FGD3: variants seen among roughly 807,000 people sequenced by gnomAD.
The protein encoded by FGD3 is FYVE, RhoGEF and PH domain-containing protein 3.
A neutral mutation model predicts 71.8 loss-of-function variants in FGD3; 45 were observed. The ratio of observed to expected loss-of-function variants is 0.63; its 90% CI spans 0.49 to 0.80. FGD3 has a LOEUF of 0.80. Ranked by LOEUF, FGD3 falls within the 30% of genes least tolerant of loss-of-function variation. FGD3 has a pLI of 0.00. For synonymous variants in FGD3, 378 were observed against 392.8 expected, an observed-to-expected ratio of 0.96 and a Z score of 0.44; for missense variants, 844 against 951.5, an observed-to-expected ratio of 0.89 and a Z score of 1.49.
chr9:93,033,011 T>TG, intron 16 of FGD3, 138 bp downstream of exon 16: 1 of 864,180 alleles, frequency 1.2e-6, no homozygotes, highest in Non-Finnish European at 1.9e-6. Context: ...TGTGTCTCAG[T>TG]GGGGCCCCCA....
rs181342731 is a variant in FGD3 at position 92,953,486 on chromosome 9, A to T, written c.-218+5757A>T. On this transcript the variant is annotated intron_variant, in intron 1 of 17. Transcript: ENST00000375482. ...ACATATTTTTAAAGCAACTTTTAAG[A>T]AATGAGGTATAGTGAGTGATGACTA... Among the ~76,000 whole-genome samples the T allele has an allele frequency of 5.3e-5, 8 of 152,328 alleles. No homozygotes were observed. The East Asian group carries it at 1.5e-3, about 29-fold the overall frequency.
intron 1 of FGD3, among the ~76,000 whole-genome samples, chr9:92,952,394 G>A (rs996997262): frequency 6.6e-5 from 10 of 151,854 alleles, no homozygotes; most frequent in African/African-American, 1.9e-4. Flanking sequence ...CCGCCACCAC[G>A]CCCGGCTAAT....
chr9:93,007,468 C>T (rs1278320556), intron 6 of FGD3, among the ~76,000 whole-genome samples: 2 of 152,146 alleles, frequency 1.3e-5, no homozygotes, highest in Non-Finnish European at 1.5e-5. Context: ...TTTCCCACTA[C>T]CCAAGACTAT....
At chr9:93,005,083 A>G (rs1230334366) in intron 5 of FGD3, among the ~76,000 whole-genome samples, 1 of 151,954 alleles carries the variant, frequency 6.6e-6, no homozygotes, top group Non-Finnish European at 1.5e-5. Context: ...TGCAACTTTT[A>G]TAACAGCACA....
chr9:93,020,251 TC>T, intron 12 of FGD3, 65 bp from the exon 13 acceptor site: 1 of 1,458,762 alleles, frequency 6.9e-7, no homozygotes. Context: ...GGCAGGCGCG[TC>T]CCTCCTGTGG....
At chr9:93,010,225 A>T (rs113616327) in intron 6 of FGD3, 21 bp from the exon 7 acceptor site, 1 of 1,592,704 alleles carries the variant, frequency 6.3e-7, no homozygotes, top group Admixed American at 1.7e-5. Context: ...GGAGTGCCCA[A>T]TGCTCCCTCT....
chr9:93,023,795 C>CGTTTTT (rs1862017356), intron 14 of FGD3, among the ~76,000 whole-genome samples: 1 of 107,672 alleles, frequency 9.3e-6, no homozygotes, highest in South Asian at 3.0e-4. Context: ...CCATCAGCAA[C>CGTTTTT]TTTTTTTTTT....
intron 1 of FGD3, among the ~76,000 whole-genome samples, chr9:92,968,385 C>T (rs1859410478): frequency 1.3e-5 from 2 of 152,098 alleles, no homozygotes; most frequent in South Asian, 4.1e-4. Flanking sequence ...GCCCTCACTT[C>T]CTGCCCTCTC....
chr9:92,977,622 A>T (rs112151198), intron 3 of FGD3, among the ~76,000 whole-genome samples: 1,549 of 152,232 alleles, frequency 0.01, 27 homozygotes, highest in African/African-American at 0.035. Context: ...AGGTGTAGGA[A>T]GGATCAGACC....
At chr9:93,007,757 A>T (rs1564159951) in intron 6 of FGD3, among the ~76,000 whole-genome samples, 2 of 152,146 alleles carry the variant, frequency 1.3e-5, no homozygotes, top group Admixed American at 1.3e-4. Context: ...CTCCGCCTGG[A>T]CTCAGTACCA....
At position 93,019,761 on chromosome 9, in the gene FGD3, TGA is replaced by T. The variant is rs1201239871; in HGVS notation, c.1356-64_1356-63del. On this transcript the variant is annotated intron_variant, in intron 11 of 17. Coordinates refer to ENST00000375482, the MANE Select transcript of FGD3 (RefSeq NM_001083536.2). ...GCGTGGCTCGGGTGTGCTGCAGGGTTGAGAGAGGGCTGGTCATTTAGAGTCAG... is the reference window on the plus strand; with the variant it reads ...GCGTGGCTCGGGTGTGCTGCAGGGTTGAGAGGGCTGGTCATTTAGAGTCAG... The T allele has an allele frequency of 6.9e-6, 10 of 1,453,132 alleles. No individual in the cohort carries two copies. In the East Asian group the frequency reaches 1.8e-4, roughly 26 times the overall value. The allele number at this position is 1,453,132 out of a possible 1,614,324, so 90.0% of individuals were successfully genotyped here. A position where few individuals can be genotyped will look rare whatever the true frequency, so the allele number is the denominator to read the frequency against.
At chr9:93,015,685 G>T in intron 9 of FGD3, 52 bp from the exon 10 acceptor site, 5 of 1,483,740 alleles carry the variant, frequency 3.4e-6, no homozygotes, top group Non-Finnish European at 1.9e-6. Flanking sequence ...TGGGGCCCCT[G>T]GGGGGACCTG....
At chr9:92,959,487 C>A (rs1248479873) in intron 1 of FGD3, among the ~76,000 whole-genome samples, 1 of 151,792 alleles carries the variant, frequency 6.6e-6, no homozygotes, top group Non-Finnish European at 1.5e-5. Context: ...GTAGAAGGAT[C>A]GCTTGAGCCT....
Position 93,029,904 on chromosome 9 carries a change from A to G in FGD3, c.1588A>G (p.Arg530Gly), listed in dbSNP as rs1862290057. ...LEPRKLSSKT[R>G]RDKEKQSCKS... ...GCCCAGAAAACTATCCTCTAAGACC[A>G]GACGTGACAAGGAGAAGCAGAGCTG... Residue 530 changes from arginine (R) to glycine (G), a missense_variant, in exon 15 of 18, where the codon AGA becomes GGA. By Grantham distance (125) the Arg-to-Gly change is moderately radical (BLOSUM62 -2). Coordinates refer to ENST00000375482, the MANE Select transcript of FGD3 (RefSeq NM_001083536.2). 6.2e-7 allele frequency: 1 copy of G among 1,613,402 alleles called. No individual in the cohort carries two copies. The highest frequency in any genetic ancestry group is 1.3e-5 in the African/African-American group (1 of 74,922).
chr9:92,997,046 T>G (rs1860675067), intron 3 of FGD3, among the ~76,000 whole-genome samples: 1 of 151,960 alleles, frequency 6.6e-6, no homozygotes, highest in Non-Finnish European at 1.5e-5. Flanking sequence ...AACTTTGTCT[T>G]GTTGATCTGT....
chr9:92,994,458 G>A (rs1014892872), intron 3 of FGD3, among the ~76,000 whole-genome samples: 14 of 152,156 alleles, frequency 9.2e-5, no homozygotes, highest in Admixed American at 2.0e-4. Context: ...CTGTGCAGAA[G>A]CTCTTTAGTT....
At chr9:92,952,233 ATT>A (rs35969028) in intron 1 of FGD3, among the ~76,000 whole-genome samples, 31 of 127,770 alleles carry the variant, frequency 2.4e-4, no homozygotes, top group Admixed American at 3.2e-4. Context: ...TTGAAAGTCA[ATT>A]TTTTTTTTTT....
chr9:93,013,081 C>T (rs1337634958), intron 8 of FGD3, among the ~76,000 whole-genome samples: 3 of 152,194 alleles, frequency 2.0e-5, no homozygotes, highest in East Asian at 3.8e-4. Flanking sequence ...GGTACCTGCC[C>T]ATTCCCCCAG....
At position 93,034,677 on chromosome 9, in the gene FGD3, G is replaced by A. The variant is rs1422493551; in HGVS notation, c.1922G>A (p.Ser641Asn). The A allele has an allele frequency of 6.2e-7, 1 of 1,612,448 alleles. No homozygotes were observed. Reference sequence around the variant, plus strand: ...CAGGTGCTGCACCTGCAGGGAGGCAGCCAGGTACGTGTCCCCACCCCACCA... The same window carrying A: ...CAGGTGCTGCACCTGCAGGGAGGCAACCAGGTACGTGTCCCCACCCCACCA... ...DPQVLHLQGG[S>N]QDGRLPRTIP... is the part of the protein sequence containing the mutation. Residue 641 changes from serine (S) to asparagine (N), a missense_variant, in exon 17 of 18, where the codon AGC becomes AAC. Ser to Asn is a conservative substitution (Grantham distance 46, BLOSUM62 1). Coordinates refer to ENST00000375482, the MANE Select transcript of FGD3 (RefSeq NM_001083536.2).
Sources: allele counts gnomAD v4.1 joint callset (sites outside exome capture counted in the v4.1 genomes callset), GRCh38; gene constraint gnomAD v4.1.1; transcripts MANE v1.5; gene names NCBI Gene and HGNC (gene_info 2026-07-23, HGNC 2026-07-21).